The following TDRD12 variants were observed in gnomAD, a reference collection of about 807,000 sequenced individuals.
TDRD12 encodes the protein tudor domain containing 12.
TDRD12 carries 158 observed loss-of-function variants against 133.5 expected under a neutral mutation model. That is an observed-to-expected ratio of 1.18 (90% confidence interval 1.04 to 1.35). TDRD12 has a LOEUF of 1.35. Ranked by LOEUF, TDRD12 falls within the 40% of genes most tolerant of loss-of-function variation. TDRD12 has a pLI of 0.00. For missense variants in TDRD12, 1,443 were observed against 1,321.3 expected (o/e 1.09, Z -1.43); for synonymous variants, 460 against 477.9 (o/e 0.96, Z 0.49).
At chr19:32,788,550 G>A (rs1302837127) in intron 11 of TDRD12, among the ~76,000 whole-genome samples, 1 of 152,094 alleles carries the variant, frequency 6.6e-6, no homozygotes, top group East Asian at 1.9e-4. Context: ...ACAGTGTCCT[G>A]TCCTCGTTTC....
chr19:32,774,786 C>T (rs1970533901), intron 10 of TDRD12, among the ~76,000 whole-genome samples: 1 of 152,116 alleles, frequency 6.6e-6, no homozygotes, highest in Non-Finnish European at 1.5e-5. Flanking sequence ...AGTTCAAGAC[C>T]AGCCTGGCCA....
intron 11 of TDRD12, 84 bp downstream of exon 11, chr19:32,777,313 A>G: frequency 1.1e-6 from 1 of 899,210 alleles, no homozygotes; most frequent in Non-Finnish European, 1.6e-6. Context: ...ACATTTTATT[A>G]TTAATTTCAA....
intron 11 of TDRD12, among the ~76,000 whole-genome samples, chr19:32,779,200 A>G (rs1046788522): frequency 2.6e-5 from 4 of 152,152 alleles, no homozygotes; most frequent in Non-Finnish European, 5.9e-5. Context: ...ACTTGGGACT[A>G]TGATAACGAC....
chr19:32,736,345 G>A (rs1018404124), intron 2 of TDRD12, among the ~76,000 whole-genome samples: 8 of 152,206 alleles, frequency 5.3e-5, no homozygotes, highest in African/African-American at 9.6e-5. Context: ...GGGCCCAGGA[G>A]TTTGAGTCCA....
intron 2 of TDRD12, among the ~76,000 whole-genome samples, chr19:32,733,889 T>G (rs1475220492): frequency 6.7e-6 from 1 of 150,252 alleles, no homozygotes; most frequent in African/African-American, 2.4e-5. Context: ...TTTTTTTAAT[T>G]AATTAATTTT....
intron 10 of TDRD12, among the ~76,000 whole-genome samples, chr19:32,775,513 G>A (rs1970556356): frequency 6.6e-6 from 1 of 152,006 alleles, no homozygotes; most frequent in Admixed American, 6.6e-5. Context: ...TAATTTTTTT[G>A]CAGAGATGGA....
intron 6 of TDRD12, among the ~76,000 whole-genome samples, chr19:32,750,192 C>T (rs973815240): frequency 3.3e-5 from 5 of 152,118 alleles, no homozygotes; most frequent in Non-Finnish European, 7.3e-5. Context: ...GCCTTTCCCC[C>T]TAGACTTTCT....
At chr19:32,731,029 T>G (rs532948159) in intron 1 of TDRD12, among the ~76,000 whole-genome samples, 58 of 152,262 alleles carry the variant, frequency 3.8e-4, no homozygotes, top group African/African-American at 1.3e-3. Flanking sequence ...TCAATCCAAA[T>G]TTAACTTTTC....
rs1555775734 is a variant in TDRD12, at chr19:32,802,208, C to CATATATATGATAGTG, written c.2197+338_2197+352dup. Among the ~76,000 whole-genome samples, 692 of 128,878 alleles carry CATATATATGATAGTG rather than the reference C, an allele frequency of 5.4e-3. 8 individuals are homozygous for CATATATATGATAGTG. Among genetic ancestry groups the CATATATATGATAGTG allele is most frequent in the African/African-American group, 0.02 (646 of 31,682 alleles). 84.5% of individuals were successfully genotyped at this position (128,878 alleles called of 152,430 possible). ...TGATAGTGATATATATGATAGTGAT[C>CATATATATGATAGTG]ATATATATGATAGTGATCATATATA... On this transcript the variant is annotated intron_variant, in intron 19 of 27. Transcript: ENST00000444215.
intron 24 of TDRD12, among the ~76,000 whole-genome samples, chr19:32,812,892 C>T (rs1046596323): frequency 2.0e-5 from 3 of 152,134 alleles, no homozygotes; most frequent in African/African-American, 2.4e-5. Flanking sequence ...ACTGCCATGG[C>T]CAGGCATGGT....
At chr19:32,773,292 T>C (rs1970488224) in intron 9 of TDRD12, among the ~76,000 whole-genome samples, 164 bp from the exon 10 acceptor site, 1 of 152,238 alleles carries the variant, frequency 6.6e-6, no homozygotes. Flanking sequence ...GCTGGCATAA[T>C]CACCCAACTT....
chr19:32,815,671 A>T, intron 26 of TDRD12, 51 bp downstream of exon 26: 1 of 1,476,426 alleles, frequency 6.8e-7, no homozygotes. Context: ...TGGAAATACA[A>T]CTCACAAGTG....
intron 10 of TDRD12, among the ~76,000 whole-genome samples, chr19:32,774,320 C>G (rs952040847): frequency 6.6e-6 from 1 of 152,186 alleles, no homozygotes; most frequent in African/African-American, 2.4e-5. Flanking sequence ...AATATCTTCT[C>G]TCTTTACCTG....
At chr19:32,766,894 C>A (rs1242422779) in intron 8 of TDRD12, among the ~76,000 whole-genome samples, 2 of 151,806 alleles carry the variant, frequency 1.3e-5, no homozygotes, top group Non-Finnish European at 2.9e-5. Flanking sequence ...GGATTACAGG[C>A]ACGAGCCACC....
At position 32,804,812 on chromosome 19, in the gene TDRD12, C is replaced by T. The variant is rs939238330; in HGVS notation, c.2552+1670C>T. On this transcript the variant is annotated intron_variant, in intron 21 of 27. Transcript: ENST00000444215. Reference sequence around the variant, plus strand: ...CGGAGGTTGCAGTAAGCCAAGTTCGCGCCACTGCACTCCAGACGGGGTGAC... The same window carrying T: ...CGGAGGTTGCAGTAAGCCAAGTTCGTGCCACTGCACTCCAGACGGGGTGAC... Among the ~76,000 whole-genome samples, 6 of 151,538 alleles carry T rather than the reference C, an allele frequency of 4.0e-5. No homozygotes were observed. The East Asian group carries it at 5.8e-4, about 15-fold the overall frequency.
chr19:32,829,462 T>G (rs1458737684), downstream of TDRD12: 1 of 152,264 alleles, frequency 6.6e-6, no homozygotes, highest in African/African-American at 2.4e-5. Context: ...TGGTCAAATA[T>G]CTAAAATGCA....
At chr19:32,826,689 A>G (rs1568503564) in intron 9 of TDRD12, 1 of 1,232,366 alleles carries the variant, frequency 8.1e-7, no homozygotes, top group Non-Finnish European at 1.0e-6. Context: ...ACAGAACCCC[A>G]ACGTGGCTTT....
chr19:32,720,048 C>T, exon 1 of TDRD12: 1 of 1,547,860 alleles, frequency 6.5e-7, no homozygotes, highest in Non-Finnish European at 8.7e-7. Context: ...GCGAGGGGGC[C>T]CATCTGCCCT....
chr19:32,778,238 C>T (rs902695167), intron 11 of TDRD12, among the ~76,000 whole-genome samples: 8 of 151,890 alleles, frequency 5.3e-5, no homozygotes, highest in Non-Finnish European at 4.4e-5. Context: ...GCCAGGGCTT[C>T]TTACCCCACA....
Sources: allele counts gnomAD v4.1 joint callset (sites outside exome capture counted in the v4.1 genomes callset), GRCh38; gene constraint gnomAD v4.1.1; transcripts MANE v1.5; gene names NCBI Gene and HGNC (gene_info 2026-07-23, HGNC 2026-07-21).